SFMBT1: variants seen among roughly 807,000 people sequenced by gnomAD.
The protein encoded by SFMBT1 is Scm like with four mbt domains 1.
SFMBT1 carries 32 observed loss-of-function variants against 108.7 expected under a neutral mutation model. That is an observed-to-expected ratio of 0.29 (90% CI 0.22 to 0.40). The LOEUF (loss-of-function observed/expected upper bound fraction) is 0.40, where lower values mean the gene tolerates loss of function less well. SFMBT1 is among the 10% of genes least tolerant of loss of function. SFMBT1 has a pLI of 1.00. For missense variants in SFMBT1, 816 were observed against 1,059.6 expected, an observed-to-expected ratio of 0.77 and a Z score of 3.19; for synonymous variants, 348 against 369.5, an observed-to-expected ratio of 0.94 and a Z score of 0.67.
At chr3:52,956,499 G>A (rs1470716462) in intron 2 of SFMBT1, among the ~76,000 whole-genome samples, 1 of 151,940 alleles carries the variant, frequency 6.6e-6, no homozygotes, top group African/African-American at 2.4e-5. Context: ...AGTGGCTCAC[G>A]TCTGTAATCC....
chr3:52,923,278 T>C (rs1379761933), intron 10 of SFMBT1, among the ~76,000 whole-genome samples: 5 of 152,044 alleles, frequency 3.3e-5, no homozygotes, highest in Admixed American at 6.6e-5. Flanking sequence ...AGAGCAAGAA[T>C]AGTATGATAT....
At chr3:52,947,424 T>C (rs1703409226) in intron 3 of SFMBT1, among the ~76,000 whole-genome samples, 1 of 152,086 alleles carries the variant, frequency 6.6e-6, no homozygotes, top group African/African-American at 2.4e-5. Flanking sequence ...GCCCCTTTTT[T>C]CACTTTTAAC....
intron 2 of SFMBT1, among the ~76,000 whole-genome samples, chr3:52,966,669 T>C (rs1297774651): frequency 2.5e-5 from 3 of 121,012 alleles, no homozygotes; most frequent in South Asian, 2.9e-4. Flanking sequence ...ATTCTCTAAA[T>C]AGAAATGAAG....
intron 1 of SFMBT1, among the ~76,000 whole-genome samples, chr3:53,040,381 T>C (rs1159356918): frequency 6.6e-6 from 1 of 152,186 alleles, no homozygotes; most frequent in Non-Finnish European, 1.5e-5. Context: ...AAATTTCTCA[T>C]CCCAGCTCAT....
chr3:52,960,624 T>C (rs1703929163), intron 2 of SFMBT1, among the ~76,000 whole-genome samples: 1 of 151,922 alleles, frequency 6.6e-6, no homozygotes, highest in South Asian at 2.1e-4. Context: ...ATGATCTATC[T>C]ATCTATCTAT....
intron 1 of SFMBT1, among the ~76,000 whole-genome samples, chr3:52,990,802 A>AG (rs1286518769): frequency 3.9e-5 from 6 of 152,234 alleles, no homozygotes. Flanking sequence ...GATATTACGC[A>AG]TAAAACAAGG....
rs150197319 is a variant in SFMBT1 at position 52,935,623 on chromosome 3, A to G, written c.365-722T>C. Among the ~76,000 whole-genome samples, 5 of 152,356 alleles carry G rather than the reference A, an allele frequency of 3.3e-5. No homozygotes were observed. The East Asian group carries it at 9.6e-4, about 29-fold the overall frequency. On this transcript the variant is annotated intron_variant, in intron 4 of 20. Coordinates refer to ENST00000394752, the MANE Select transcript of SFMBT1 (RefSeq NM_016329.4). ...TTTTAGTACATATTTCTAAAAGAAA[A>G]TATTTTCTTACAAAACCACAATAAC...
chr3:52,906,263 CA>C (rs1415185660), intron 19 of SFMBT1, 22 bp from the exon 20 acceptor site: 2 of 1,613,882 alleles, frequency 1.2e-6, no homozygotes, highest in Non-Finnish European at 1.7e-6. Flanking sequence ...ACAACACAAT[CA>C]AACCAAATGG....
intron 1 of SFMBT1, among the ~76,000 whole-genome samples, chr3:53,041,502 A>G (rs939192129): frequency 9.9e-5 from 15 of 152,246 alleles, no homozygotes; most frequent in African/African-American, 2.4e-4. Context: ...GTTCAAGACT[A>G]GCCTGACCAA....
intron 1 of SFMBT1, among the ~76,000 whole-genome samples, chr3:52,993,406 G>A (rs773637709): frequency 2.7e-5 from 4 of 150,128 alleles, no homozygotes; most frequent in African/African-American, 4.8e-5. Context: ...TAGCTGTTCT[G>A]CTATACTGTT....
At chr3:52,960,686 G>A (rs1435236363) in intron 2 of SFMBT1, among the ~76,000 whole-genome samples, 1 of 152,098 alleles carries the variant, frequency 6.6e-6, no homozygotes, top group East Asian at 1.9e-4. Context: ...GAATTAAAAA[G>A]AGGGACTCAA....
At chr3:53,001,310 A>G (rs1559544496) in intron 1 of SFMBT1, among the ~76,000 whole-genome samples, 1 of 150,456 alleles carries the variant, frequency 6.6e-6, no homozygotes, top group East Asian at 1.9e-4. Flanking sequence ...TCACATCTGC[A>G]GTCCTAGCTA....
chr3:52,982,729 CAAAAAAAAAAAA>C (rs34099481), intron 1 of SFMBT1, among the ~76,000 whole-genome samples: 2 of 69,112 alleles, frequency 2.9e-5, no homozygotes, highest in African/African-American at 1.3e-4. Context: ...ACTCCCATCT[CAAAAAAAAAAAA>C]AAAAAAAAAA....
At chr3:53,012,010 A>C (rs550901938) in intron 1 of SFMBT1, among the ~76,000 whole-genome samples, 10 of 152,368 alleles carry the variant, frequency 6.6e-5, no homozygotes, top group Admixed American at 2.6e-4. Flanking sequence ...GGTAGGAACT[A>C]ACACTTTTTA....
chr3:53,033,229 C>T (rs988633779), intron 1 of SFMBT1, among the ~76,000 whole-genome samples: 1 of 151,820 alleles, frequency 6.6e-6, no homozygotes. Context: ...GGCGCAATCT[C>T]GGCTCACTGC....
rs148687620 is a variant in SFMBT1 at position 53,000,164 on chromosome 3, C to T, written c.-130-30906G>A. The stretch of plus-strand genomic sequence containing the variant: ...GGCGTGAGCCACCGCACCCAGCCTA[C>T]TCTTACATTTTTTTAGGTTTTTATT... On this transcript the variant is annotated intron_variant, in intron 1 of 20. Coordinates refer to ENST00000394752, the MANE Select transcript of SFMBT1 (RefSeq NM_016329.4). 0.013 allele frequency among the ~76,000 whole-genome samples: 1,952 copies of T among 150,042 alleles called. 229 individuals carry two copies. The South Asian group carries it at 0.19, about 15-fold the overall frequency.
At chr3:53,026,097 TA>T (rs1157873670) in intron 1 of SFMBT1, among the ~76,000 whole-genome samples, 1 of 152,170 alleles carries the variant, frequency 6.6e-6, no homozygotes, top group Non-Finnish European at 1.5e-5. Context: ...TTTAAATTAT[TA>T]AAAGCAAAAT....
chr3:53,045,415 G>A (rs1165731160), intron 1 of SFMBT1: 1 of 143,590 alleles, frequency 7.0e-6, no homozygotes, highest in Non-Finnish European at 1.5e-5. Flanking sequence ...GGCGCGCCGG[G>A]GAACTTGGGC....
In SFMBT1 at chr3:52,938,311, A is replaced by C. The variant is rs184082304; in HGVS notation, c.365-3410T>G. ...TGATATTATTAATATGCATGGCCTA[A>C]ATTTCATATTGTTAAATGTTATATA... On this transcript the variant is annotated intron_variant, in intron 4 of 20. Transcript: ENST00000394752. Among the ~76,000 whole-genome samples the C allele has an allele frequency of 6.5e-3, 995 of 152,258 alleles. 95 individuals carry two copies. The South Asian group carries it at 0.18, about 28-fold the overall frequency.
Sources: allele counts gnomAD v4.1 joint callset (sites outside exome capture counted in the v4.1 genomes callset), GRCh38; gene constraint gnomAD v4.1.1; transcripts MANE v1.5; gene names NCBI Gene and HGNC (gene_info 2026-07-23, HGNC 2026-07-21).